Variants in HDX observed in about 807,000 individuals in gnomAD.
The protein encoded by HDX is chromosome X open reading frame 43.
A neutral mutation model predicts 45.2 loss-of-function variants in HDX; 19 were observed. The observed-to-expected ratio is 0.42, with a 90% CI of 0.29 to 0.62. The LOEUF (loss-of-function observed/expected upper bound fraction) is 0.62, where lower values mean the gene tolerates loss of function less well. Ranked by LOEUF, HDX falls within the 20% of genes least tolerant of loss-of-function variation. The pLI, the probability that HDX is intolerant of heterozygous loss-of-function variation, is 0.20. For synonymous variants in HDX, 188 were observed against 172.8 expected (o/e 1.09, Z -0.69); for missense variants, 532 against 493.9 (o/e 1.08, Z -0.73).
intron 7 of HDX, among the ~76,000 whole-genome samples, chrX:84,341,142 A>T (rs1159482084): frequency 1.8e-5 from 2 of 110,800 alleles, no homozygotes; most frequent in Non-Finnish European, 3.8e-5. Flanking sequence ...CAACCACAGA[A>T]ACACACAAAT....
chrX:84,469,677 A>G (rs1266550711), intron 3 of HDX, 102 bp from the exon 4 acceptor site: 1 of 670,254 alleles, frequency 1.5e-6, no homozygotes, highest in African/African-American at 2.2e-5. Flanking sequence ...CTTGGAACCA[A>G]GGTGTACATA....
intron 5 of HDX, among the ~76,000 whole-genome samples, chrX:84,423,168 C>CAT (rs1029147850): frequency 9.1e-6 from 1 of 110,136 alleles, no homozygotes; most frequent in Non-Finnish European, 1.9e-5. Context: ...TTCCTAGAAA[C>CAT]ATATAATCTA....
At chrX:84,363,141 C>T (rs982482219) in intron 5 of HDX, among the ~76,000 whole-genome samples, 6 of 111,640 alleles carry the variant, frequency 5.4e-5, no homozygotes, top group African/African-American at 1.6e-4. Context: ...TACTAAATTA[C>T]GTTTCCAATA....
chrX:84,405,721 CA>C (rs1447380248), intron 5 of HDX, among the ~76,000 whole-genome samples: 1 of 101,946 alleles, frequency 9.8e-6, no homozygotes, highest in Non-Finnish European at 2.0e-5. Flanking sequence ...TCTGTTATAA[CA>C]AACTGTTTTT....
chrX:84,467,623 CAAA>C (rs576047136), intron 4 of HDX, among the ~76,000 whole-genome samples: 15 of 64,599 alleles, frequency 2.3e-4, no homozygotes, highest in Non-Finnish European at 2.1e-4. Context: ...AAGACTCCGT[CAAA>C]AAAAAAAAAA....
At chrX:84,440,934 G>A (rs1301307127) in intron 4 of HDX, among the ~76,000 whole-genome samples, 3 of 110,855 alleles carry the variant, frequency 2.7e-5, no homozygotes. Flanking sequence ...GTTACAAGAA[G>A]TATAGAATAG....
Position 84,328,111 on chromosome X carries a change from C to T in HDX, c.1825-1811G>A, listed in dbSNP as rs773816692. ...GGTATTACGGGGATGCATTATTGTGCCTAGCCTCAAGAAAGACCTATTTTA... is the reference window on the plus strand; with the variant it reads ...GGTATTACGGGGATGCATTATTGTGTCTAGCCTCAAGAAAGACCTATTTTA... On this transcript the variant is annotated intron_variant, in intron 9 of 10. Transcript: ENST00000373177. Among the ~76,000 whole-genome samples, 3 of 111,309 alleles carry T rather than the reference C, an allele frequency of 2.7e-5. No homozygotes were observed. The East Asian group carries it at 8.5e-4, about 32-fold the overall frequency.
In HDX at chrX:84,447,161, T is replaced by C. The variant is rs180798433; in HGVS notation, c.1252-6576A>G. ...GTTCTGGAAGATGCCGGAATGACAC[T>C]AGAAAATCTAGATATTTTAAAGTAG... On this transcript the variant is annotated intron_variant, in intron 4 of 10. Coordinates refer to ENST00000373177, the MANE Select transcript of HDX (RefSeq NM_001177479.2). 3.0e-3 allele frequency among the ~76,000 whole-genome samples: 341 copies of C among 111,830 alleles called. 1 individual carries two copies. The highest frequency in any genetic ancestry group is 0.011 in the African/African-American group (336 of 30,761).
intron 5 of HDX, among the ~76,000 whole-genome samples, chrX:84,421,431 G>T (rs1228633798): frequency 9.0e-6 from 1 of 110,559 alleles, no homozygotes; most frequent in African/African-American, 3.3e-5. Flanking sequence ...AAGATACATT[G>T]GATACAAGAA....
At chrX:84,356,844 G>T (rs1329709572) in intron 6 of HDX, among the ~76,000 whole-genome samples, 1 of 110,393 alleles carries the variant, frequency 9.1e-6, no homozygotes, top group Non-Finnish European at 1.9e-5. Flanking sequence ...GGATGGTCTC[G>T]ATCTCCTGAC....
At chrX:84,444,616 G>A (rs189529603) in intron 4 of HDX, among the ~76,000 whole-genome samples, 1 of 111,021 alleles carries the variant, frequency 9.0e-6, no homozygotes, top group East Asian at 2.9e-4. Flanking sequence ...ACGGAGAATT[G>A]CAACTTTAAA....
At chrX:84,340,491 T>C (rs2037062181) in intron 7 of HDX, among the ~76,000 whole-genome samples, 2 of 111,047 alleles carry the variant, frequency 1.8e-5, no homozygotes, top group Non-Finnish European at 1.9e-5. Context: ...TTATTTTTTC[T>C]TTATATTTCT....
intron 6 of HDX, among the ~76,000 whole-genome samples, chrX:84,346,058 AG>A (rs1419593917): frequency 9.0e-6 from 1 of 111,464 alleles, no homozygotes; most frequent in Non-Finnish European, 1.9e-5. Context: ...CCCAGTCTGT[AG>A]CTTGAATTTT....
chrX:84,437,631 T>C (rs1602456149), intron 5 of HDX, among the ~76,000 whole-genome samples: 2 of 110,806 alleles, frequency 1.8e-5, no homozygotes, highest in East Asian at 5.8e-4. Context: ...AAGGAGCTGA[T>C]CTAGACCAGG....
In HDX at chrX:84,349,334, C is replaced by A. The variant is rs181785399; in HGVS notation, c.1453-4877G>T. 1.1e-4 allele frequency among the ~76,000 whole-genome samples: 12 copies of A among 107,621 alleles called. No individual in the cohort carries two copies. In the Admixed American group the frequency reaches 1.2e-3, roughly 11 times the overall value. The allele number at this position is 107,621 out of a possible 115,157, so 93.5% of individuals were successfully genotyped here. A position where few individuals can be genotyped will look rare whatever the true frequency, so the allele number is the denominator to read the frequency against. ...TGACAACTTCTAGGCTCCTCACATGCCAGACCAGAAACTAGAAGTCCAATT... is the reference window on the plus strand; with the variant it reads ...TGACAACTTCTAGGCTCCTCACATGACAGACCAGAAACTAGAAGTCCAATT... On this transcript the variant is annotated intron_variant, in intron 6 of 10. Coordinates refer to ENST00000373177, the MANE Select transcript of HDX (RefSeq NM_001177479.2).
At chrX:84,449,583 A>G (rs1446737046) in intron 4 of HDX, among the ~76,000 whole-genome samples, 1 of 111,976 alleles carries the variant, frequency 8.9e-6, no homozygotes, top group Non-Finnish European at 1.9e-5. Flanking sequence ...TTCTTCACAA[A>G]TGAATACGAA....
rs1369170676 is a variant in HDX, at chrX:84,321,068, T to C, written c.*821A>G. On this transcript the variant is annotated 3_prime_UTR_variant, in exon 11 of 11. Transcript: ENST00000373177. ...TAAAAAAGAATTATAAAGATGGTGA[T>C]AAATTTAAAATATTTGTGTAACACT... is the stretch of plus-strand genomic sequence containing the variant. 1 of 111,007 alleles carries C rather than the reference T, an allele frequency of 9.0e-6. No homozygotes were observed. The highest frequency in any genetic ancestry group is 1.9e-5 in the Non-Finnish European group (1 of 52,532). 9.1% of individuals were successfully genotyped at this position (111,007 alleles called of 1,213,427 possible).
At chrX:84,385,380 A>AT (rs1433292345) in intron 5 of HDX, among the ~76,000 whole-genome samples, 3 of 103,370 alleles carry the variant, frequency 2.9e-5, no homozygotes, top group Non-Finnish European at 5.9e-5. Context: ...CGCCCGGCTA[A>AT]TTTTTTGTAT....
At chrX:84,323,241 C>T (rs2036636084) in intron 10 of HDX, among the ~76,000 whole-genome samples, 1 of 110,949 alleles carries the variant, frequency 9.0e-6, no homozygotes, top group Non-Finnish European at 1.9e-5. Context: ...AGTATATACA[C>T]AGTAAACTAA....
Sources: allele counts gnomAD v4.1 joint callset (sites outside exome capture counted in the v4.1 genomes callset), GRCh38; gene constraint gnomAD v4.1.1; transcripts MANE v1.5; gene names NCBI Gene and HGNC (gene_info 2026-07-23, HGNC 2026-07-21).